The following EFHC1 variants were observed in gnomAD, a reference collection of about 807,000 sequenced individuals.
The protein encoded by EFHC1 is EF-hand domain containing 1, also known as EF-hand domain-containing protein 1.
Under a neutral mutation model 69.9 loss-of-function variants are expected in EFHC1, and 53 were observed. The observed-to-expected ratio is 0.76, with a 90% confidence interval of 0.61 to 0.95. The LOEUF is 0.95. Among genes scored for constraint, EFHC1 ranks in the 40% least tolerant of loss-of-function variants. The pLI is 0.00. For synonymous variants in EFHC1, 256 were observed against 278.4 expected, an observed-to-expected ratio of 0.92 and a Z score of 0.80; for missense variants, 739 against 798.7, an observed-to-expected ratio of 0.93 and a Z score of 0.90.
At chr6:52,453,899 G>A (rs1410146140) in intron 4 of EFHC1, 196 bp from the exon 5 acceptor site, 10 of 1,439,380 alleles carry the variant, frequency 6.9e-6, no homozygotes, top group Non-Finnish European at 9.2e-6. Flanking sequence ...CTTTCCAGCT[G>A]CTGACATATA....
At chr6:52,438,940 AGT>A (rs1160994432) in intron 3 of EFHC1, among the ~76,000 whole-genome samples, 1 of 152,182 alleles carries the variant, frequency 6.6e-6, no homozygotes, top group East Asian at 1.9e-4. Context: ...TTTTATCTTA[AGT>A]GTGAGTTTAC....
At chr6:52,470,781 A>T (rs1377780835) in intron 7 of EFHC1, among the ~76,000 whole-genome samples, 2 of 152,240 alleles carry the variant, frequency 1.3e-5, no homozygotes, top group Non-Finnish European at 2.9e-5. Flanking sequence ...ACCTGGAAAA[A>T]TTAATACAAA....
intron 9 of EFHC1, chr6:52,489,378 G>C (rs923567562): frequency 5.3e-5 from 8 of 152,298 alleles, no homozygotes; most frequent in Admixed American, 3.3e-4. Context: ...AATGCTTACT[G>C]ACTTTATGTG....
At chr6:52,457,737 C>T (rs1765074896) in intron 5 of EFHC1, among the ~76,000 whole-genome samples, 2 of 152,132 alleles carry the variant, frequency 1.3e-5, no homozygotes, top group South Asian at 4.1e-4. Flanking sequence ...TTCTGAAAGT[C>T]TAAATATGTT....
Position 52,495,309 on chromosome 6 carries a change from G to GA in EFHC1, c.*2969dup. 2.2e-6 allele frequency: 1 copy of GA among 454,078 alleles called. No homozygotes were observed. The highest frequency in any genetic ancestry group is 4.4e-6 in the Non-Finnish European group (1 of 226,780). 28.1% of individuals were successfully genotyped at this position (454,078 alleles called of 1,614,324 possible). A position where few individuals can be genotyped will look rare whatever the true frequency, so the allele number is the denominator to read the frequency against. On this transcript the variant is annotated 3_prime_UTR_variant, in exon 11 of 11. Transcript: ENST00000371068. Reference sequence around the variant, plus strand: ...AGGGGACAGACACATGTCAAACCCTGAGTCTTTTAAAGTATACCCTCACTT... The same window carrying GA: ...AGGGGACAGACACATGTCAAACCCTGAAGTCTTTTAAAGTATACCCTCACTT...
intron 9 of EFHC1, chr6:52,485,977 T>C (rs1381742709): frequency 6.6e-6 from 1 of 152,178 alleles, no homozygotes; most frequent in East Asian, 1.9e-4. Context: ...GTCAGAGAGA[T>C]GAGTTAGGAA....
At chr6:52,445,454 C>G (rs1377567477) in intron 3 of EFHC1, among the ~76,000 whole-genome samples, 1 of 149,800 alleles carries the variant, frequency 6.7e-6, no homozygotes, top group East Asian at 2.0e-4. Context: ...CCCCCCTCCC[C>G]CTACCCCGCA....
intron 3 of EFHC1, among the ~76,000 whole-genome samples, chr6:52,444,874 C>T (rs572505211): frequency 3.3e-4 from 50 of 152,254 alleles, no homozygotes; most frequent in African/African-American, 1.2e-3. Context: ...GTACTAGCTC[C>T]TCTTTGTACC....
intron 1 of EFHC1, among the ~76,000 whole-genome samples, chr6:52,420,706 C>A (rs901228335): frequency 3.9e-5 from 6 of 152,170 alleles, no homozygotes; most frequent in Admixed American, 3.9e-4. Flanking sequence ...CTAGTTTTTT[C>A]CCACTCCATC....
At chr6:52,450,496 G>A (rs1314005094) in intron 3 of EFHC1, among the ~76,000 whole-genome samples, 4 of 152,172 alleles carry the variant, frequency 2.6e-5, no homozygotes, top group African/African-American at 9.7e-5. Flanking sequence ...CCTGTATTGG[G>A]TGCATATGTA....
intron 7 of EFHC1, 32 bp from the exon 8 acceptor site, chr6:52,479,005 T>G (rs986472313): frequency 3.7e-6 from 6 of 1,605,222 alleles, no homozygotes; most frequent in Non-Finnish European, 5.1e-6. Context: ...ACCATGAACC[T>G]TCATAATATC....
intron 9 of EFHC1, chr6:52,479,992 G>C: frequency 1.2e-6 from 1 of 818,798 alleles, no homozygotes; most frequent in Non-Finnish European, 1.9e-6. Flanking sequence ...AAATACAGTT[G>C]ACCCTTGAAC....
chr6:52,424,165 A>C lies in EFHC1; in HGVS notation c.283A>C (p.Lys95Gln), dbSNP rs1423112304. 3 of 1,613,668 alleles carry C rather than the reference A, an allele frequency of 1.9e-6. No individual in the cohort carries two copies. Among genetic ancestry groups the C allele is most frequent in the Non-Finnish European group, 2.5e-6 (3 of 1,179,840 alleles). Residue 95 changes from lysine (K) to glutamine (Q), a missense_variant and splice_region_variant, in exon 2 of 11, where the codon AAG becomes CAG. Physicochemically the swap from Lys to Gln is moderately conservative, Grantham distance 53. Coordinates refer to ENST00000371068, the MANE Select transcript of EFHC1 (RefSeq NM_018100.4). Reference protein sequence around the residue: ...FIPAHVAFDKKVLKFDAYFQE... With the variant: ...FIPAHVAFDKQVLKFDAYFQE... ...TCCTGCGCATGTGGCCTTTGACAAA[A>C]AGGTATCATCTGGAATTTTAGGGTA...
intron 5 of EFHC1, among the ~76,000 whole-genome samples, chr6:52,456,929 G>T (rs1295660125): frequency 6.6e-6 from 1 of 151,800 alleles, no homozygotes; most frequent in Non-Finnish European, 1.5e-5. Flanking sequence ...AAAGAAAAAA[G>T]GTATCAGTCA....
Position 52,480,085 on chromosome 6 carries a change from A to G in EFHC1, c.1640+298A>G, listed in dbSNP as rs138418569. 437 of 590,682 alleles carry G rather than the reference A, an allele frequency of 7.4e-4. 1 individual carries two copies. In the Middle Eastern group the frequency reaches 8.6e-3, roughly 12 times the overall value. 36.6% of individuals were successfully genotyped at this position (590,682 alleles called of 1,614,324 possible). A position where few individuals can be genotyped will look rare whatever the true frequency, so the allele number is the denominator to read the frequency against. ...TTGACACCCCAAAACTTAACTACTA[A>G]TAGCCTACTCTTGACTGTAAGCCTT... is the stretch of plus-strand genomic sequence containing the variant. On this transcript the variant is annotated intron_variant, in intron 9 of 10. Transcript: ENST00000371068.
intron 4 of EFHC1, 123 bp from the exon 5 acceptor site, chr6:52,453,972 A>G (rs990986880): frequency 2.5e-6 from 4 of 1,568,686 alleles, no homozygotes; most frequent in Non-Finnish European, 2.6e-6. Flanking sequence ...AATTTACCCC[A>G]TCTGAAATTA....
At chr6:52,464,512 T>G (rs989797402) in intron 5 of EFHC1, among the ~76,000 whole-genome samples, 2 of 152,222 alleles carry the variant, frequency 1.3e-5, no homozygotes, top group African/African-American at 4.8e-5. Flanking sequence ...GCTGGATGAA[T>G]GGATAAACGG....
rs1156723231 is a variant in EFHC1 at position 52,496,717 on chromosome 6, G to A, written c.*4376G>A. On this transcript the variant is annotated 3_prime_UTR_variant, in exon 11 of 11. Coordinates refer to ENST00000371068, the MANE Select transcript of EFHC1 (RefSeq NM_018100.4). ...AAAGACTCGGAAGGGTTAACTGCTT[G>A]AGTTCACCTAGCTTCTCATGGCAGA... The A allele has an allele frequency of 6.6e-6, 1 of 152,160 alleles. No individual in the cohort carries two copies. Among genetic ancestry groups the A allele is most frequent in the Non-Finnish European group, 1.5e-5 (1 of 68,030 alleles). 9.4% of individuals were successfully genotyped at this position (152,160 alleles called of 1,614,324 possible). A position where few individuals can be genotyped will look rare whatever the true frequency, so the allele number is the denominator to read the frequency against.
chr6:52,456,010 CAT>C (rs1765036532), intron 5 of EFHC1, among the ~76,000 whole-genome samples: 2 of 152,076 alleles, frequency 1.3e-5, no homozygotes, highest in Admixed American at 6.5e-5. Context: ...ACATGCAAAA[CAT>C]AGTACACGTA....
Sources: allele counts gnomAD v4.1 joint callset (sites outside exome capture counted in the v4.1 genomes callset), GRCh38; gene constraint gnomAD v4.1.1; transcripts MANE v1.5; gene names NCBI Gene and HGNC (gene_info 2026-07-23, HGNC 2026-07-21).